PKD1L1: variants seen among roughly 807,000 people sequenced by gnomAD.
PKD1L1 encodes polycystin 1 like 1, transient receptor potential channel interacting, also known as polycystin-1-like protein 1.
In PKD1L1, 236 loss-of-function variants were observed where a neutral mutation model predicts 323.4. The ratio of observed to expected loss-of-function variants is 0.73; its 90% CI spans 0.66 to 0.81. The LOEUF (loss-of-function observed/expected upper bound fraction) is 0.81, where lower values mean the gene tolerates loss of function less well. PKD1L1 is among the 40% of genes least tolerant of loss of function. PKD1L1 has a pLI of 0.00. For synonymous variants in PKD1L1, 1,344 were observed against 1,335.0 expected (o/e 1.01, Z -0.15); for missense variants, 3,320 against 3,508.0 (o/e 0.95, Z 1.35).
At chr7:47,791,718 C>T (rs1786952871) in intron 56 of PKD1L1, among the ~76,000 whole-genome samples, 1 of 152,094 alleles carries the variant, frequency 6.6e-6, no homozygotes, top group South Asian at 2.1e-4. Context: ...GAATTAGGGC[C>T]CGGGAAGGGC....
intron 21 of PKD1L1, among the ~76,000 whole-genome samples, chr7:47,878,959 C>T (rs1786469236): frequency 6.6e-6 from 1 of 152,190 alleles, no homozygotes; most frequent in African/African-American, 2.4e-5. Context: ...AGGAATATGG[C>T]CCAGCTAAGA....
At chr7:47,821,233 A>T in intron 45 of PKD1L1, 47 bp from the exon 46 acceptor site, 1 of 1,137,180 alleles carries the variant, frequency 8.8e-7, no homozygotes, top group Non-Finnish European at 1.3e-6. Context: ...CCCTGTATGT[A>T]GGTACCTGAG....
At chr7:47,814,214 TG>T (rs1184626657) in intron 47 of PKD1L1, among the ~76,000 whole-genome samples, 200 bp from the exon 48 acceptor site, 1 of 152,226 alleles carries the variant, frequency 6.6e-6, no homozygotes, top group East Asian at 1.9e-4. Context: ...AGACTTGTCC[TG>T]GAAAAGGGTT....
intron 1 of PKD1L1, among the ~76,000 whole-genome samples, chr7:47,944,919 G>A (rs1788065181): frequency 1.3e-5 from 2 of 152,340 alleles, no homozygotes. Context: ...GATTCAGCCA[G>A]AAATGGATGG....
intron 31 of PKD1L1, among the ~76,000 whole-genome samples, chr7:47,851,522 G>A (rs1785782549): frequency 6.6e-6 from 1 of 152,154 alleles, no homozygotes; most frequent in South Asian, 2.1e-4. Flanking sequence ...CTAATTCATG[G>A]TGGAATTAGC....
intron 19 of PKD1L1, among the ~76,000 whole-genome samples, chr7:47,883,110 T>G (rs1056520453): frequency 9.9e-5 from 15 of 152,260 alleles, no homozygotes; most frequent in African/African-American, 3.6e-4. Flanking sequence ...AAGCACCTAC[T>G]GTGAGTACGA....
intron 40 of PKD1L1, among the ~76,000 whole-genome samples, chr7:47,833,663 G>C (rs1028915002): frequency 6.6e-6 from 1 of 152,168 alleles, no homozygotes; most frequent in Non-Finnish European, 1.5e-5. Flanking sequence ...GCAGCGGATC[G>C]AGAGTACCAC....
At chr7:47,847,174 C>T (rs888635574) in intron 31 of PKD1L1, 103 bp from the exon 32 acceptor site, 46 of 825,914 alleles carry the variant, frequency 5.6e-5, no homozygotes, top group Non-Finnish European at 7.5e-5. Flanking sequence ...GGGACAAGGA[C>T]TACAGATGAG....
intron 36 of PKD1L1, among the ~76,000 whole-genome samples, chr7:47,838,959 G>A (rs1785512474): frequency 6.6e-6 from 1 of 151,664 alleles, no homozygotes; most frequent in South Asian, 2.1e-4. Context: ...TTTGTATATA[G>A]GGAAAGACGG....
At chr7:47,844,016 A>T (rs561992796) in intron 33 of PKD1L1, among the ~76,000 whole-genome samples, 25 of 152,118 alleles carry the variant, frequency 1.6e-4, no homozygotes, top group African/African-American at 5.5e-4. Flanking sequence ...CCACCTGGAC[A>T]ATACTCTGAA....
chr7:47,849,386 G>A (rs543506181), intron 31 of PKD1L1, among the ~76,000 whole-genome samples: 1 of 152,218 alleles, frequency 6.6e-6, no homozygotes, highest in Admixed American at 6.5e-5. Flanking sequence ...CAAAGCAAAA[G>A]AAATAATCAG....
upstream of PKD1L1, among the ~76,000 whole-genome samples, chr7:47,950,191 C>G (rs1788183415): frequency 6.6e-6 from 1 of 152,202 alleles, no homozygotes; most frequent in South Asian, 2.1e-4. Context: ...ACAGAGTCCA[C>G]TGGGTAAAGA....
chr7:47,842,427 T>C (rs1785580499), intron 34 of PKD1L1, among the ~76,000 whole-genome samples: 1 of 152,048 alleles, frequency 6.6e-6, no homozygotes. Context: ...GGAGTCTCCC[T>C]CTCTGAGGGA....
At chr7:47,794,693 G>T (rs1162206423) in intron 55 of PKD1L1, among the ~76,000 whole-genome samples, 1 of 152,170 alleles carries the variant, frequency 6.6e-6, no homozygotes, top group Non-Finnish European at 1.5e-5. Context: ...ACCTGGAAAA[G>T]CCACAGACAC....
intron 28 of PKD1L1, 44 bp from the exon 29 acceptor site, chr7:47,855,309 T>C (rs1225503247): frequency 2.1e-6 from 3 of 1,451,112 alleles, no homozygotes; most frequent in Non-Finnish European, 2.9e-6. Context: ...CAGCAAGCAA[T>C]GGACTTAAGT....
At chr7:47,849,734 C>G (rs142023832) in intron 31 of PKD1L1, among the ~76,000 whole-genome samples, 1 of 152,118 alleles carries the variant, frequency 6.6e-6, no homozygotes, top group South Asian at 2.1e-4. Context: ...TTTACACTGC[C>G]TGTGGGAATG....
chr7:47,833,083 C>CAGTT lies in PKD1L1; in HGVS notation c.6337+3_6337+6dup. On this transcript the variant is annotated splice_region_variant and intron_variant, in intron 41 of 56. Coordinates refer to ENST00000289672, the MANE Select transcript of PKD1L1 (RefSeq NM_138295.5). Reference sequence around the variant, plus strand: ...GGAAGGGGGCTGTGGTTGCAAGCCACAGTTACCTTGAGTGTGGGGAGGGCA... The same window carrying CAGTT: ...GGAAGGGGGCTGTGGTTGCAAGCCACAGTTAGTTACCTTGAGTGTGGGGAGGGCA... 6.2e-7 allele frequency: 1 copy of CAGTT among 1,607,484 alleles called. No homozygotes were observed. Among genetic ancestry groups the CAGTT allele is most frequent in the South Asian group, 1.1e-5 (1 of 89,494 alleles).
At chr7:47,879,183 T>C (rs907407324) in intron 21 of PKD1L1, among the ~76,000 whole-genome samples, 15 of 152,200 alleles carry the variant, frequency 9.9e-5, no homozygotes, top group East Asian at 3.9e-4. Context: ...AGGGATCTCA[T>C]TGAGCCCAGC....
rs1178255041 is a variant in PKD1L1 at position 47,890,763 on chromosome 7, C to G, written c.2454G>C (p.Arg818Ser). The G allele has an allele frequency of 6.2e-7, 1 of 1,611,980 alleles. No homozygotes were observed. Among genetic ancestry groups the G allele is most frequent in the African/African-American group, 1.3e-5 (1 of 74,842 alleles). Reference protein sequence around the residue: ...FDPDDPGATLRYHWECATAGS... With the variant: ...FDPDDPGATLSYHWECATAGS... ...CAGCGGTGGCGCATTCCCAGTGATA[C>G]CTGTTGGAGAAGTCATCGGAGTGGC... The change falls in exon 16 of 57, where the codon AGG (arginine) becomes AGC (serine). Residue 818 changes from arginine (R) to serine (S), a missense_variant and splice_region_variant. Transcript: ENST00000289672.
Sources: gnomAD v4.1 joint callset for allele counts (sites outside exome capture counted in the v4.1 genomes callset) on GRCh38, gnomAD v4.1.1 for gene constraint, MANE v1.5 for transcripts, NCBI Gene and HGNC (gene_info 2026-07-23, HGNC 2026-07-21) for gene names.